DAB2IP: variants seen among roughly 807,000 people sequenced by gnomAD.
DAB2IP encodes the protein disabled homolog 2-interacting protein.
DAB2IP carries 28 observed loss-of-function variants against 107.2 expected under a neutral mutation model. The observed-to-expected ratio is 0.26, with a 90% CI of 0.19 to 0.36. The LOEUF (loss-of-function observed/expected upper bound fraction) is 0.36, where lower values mean the gene tolerates loss of function less well. Ranked by LOEUF, DAB2IP falls within the 10% of genes least tolerant of loss-of-function variation. The pLI is 1.00. For synonymous variants in DAB2IP, 755 were observed against 706.4 expected (o/e 1.07, Z -1.09); for missense variants, 1,400 against 1,644.7 (o/e 0.85, Z 2.57).
intron 1 of DAB2IP, among the ~76,000 whole-genome samples, chr9:121,665,202 A>G (rs1469528685): frequency 1.3e-5 from 2 of 152,230 alleles, no homozygotes; most frequent in Non-Finnish European, 2.9e-5. Flanking sequence ...ATTTAATAAT[A>G]TAGATTTCAA....
At chr9:121,693,114 G>C (rs1447988708) in intron 2 of DAB2IP, among the ~76,000 whole-genome samples, 1 of 152,228 alleles carries the variant, frequency 6.6e-6, no homozygotes, top group Non-Finnish European at 1.5e-5. Context: ...AGACTGGGAG[G>C]TTCTTGAAGC....
intron 1 of DAB2IP, among the ~76,000 whole-genome samples, chr9:121,593,429 G>A (rs144777194): frequency 2.6e-5 from 4 of 151,872 alleles, no homozygotes; most frequent in African/African-American, 4.8e-5. Flanking sequence ...TACCGTGCTC[G>A]GCTAATTGTC....
chr9:121,659,147 G>T (rs1471356356), intron 1 of DAB2IP, among the ~76,000 whole-genome samples: 1 of 152,220 alleles, frequency 6.6e-6, no homozygotes. Context: ...AGGGAGAGAG[G>T]GGAGAAGAGG....
At chr9:121,640,618 C>G (rs1312150971) in intron 1 of DAB2IP, among the ~76,000 whole-genome samples, 1 of 152,172 alleles carries the variant, frequency 6.6e-6, no homozygotes, top group African/African-American at 2.4e-5. Flanking sequence ...CAGCCCCTCC[C>G]CAAGTTCAGC....
chr9:121,601,804 C>G (rs1408112372), intron 1 of DAB2IP, among the ~76,000 whole-genome samples: 1 of 152,178 alleles, frequency 6.6e-6, no homozygotes, highest in Admixed American at 6.5e-5. Context: ...AAGGGGCTGG[C>G]TGGGCTGTGC....
At chr9:121,651,330 C>A (rs1446041264), upstream of DAB2IP, among the ~76,000 whole-genome samples, 1 of 152,222 alleles carries the variant, frequency 6.6e-6, no homozygotes, top group Admixed American at 6.5e-5. This position sits in a 1 kb window ranked among gnomAD's most constrained non-coding sequence, Gnocchi z 5.1. Flanking sequence ...CTACCCCGGG[C>A]TCCGGAGAGC....
At chr9:121,580,351 G>C (rs573505217) in intron 1 of DAB2IP, among the ~76,000 whole-genome samples, 8 of 152,184 alleles carry the variant, frequency 5.3e-5, no homozygotes, top group Non-Finnish European at 1.0e-4. Flanking sequence ...TCTAGGGGTA[G>C]GTGGGAAGGA....
At chr9:121,764,112 C>T (rs936608634) in intron 8 of DAB2IP, among the ~76,000 whole-genome samples, 11 of 152,244 alleles carry the variant, frequency 7.2e-5, no homozygotes, top group South Asian at 2.1e-4. Context: ...GATGAGGGAG[C>T]GCCCTTCATG....
intron 1 of DAB2IP, among the ~76,000 whole-genome samples, chr9:121,612,877 G>A (rs762500539): frequency 7.9e-5 from 12 of 152,178 alleles, no homozygotes; most frequent in Non-Finnish European, 1.6e-4. Flanking sequence ...CACTTTTCCC[G>A]AGCTTACCCA....
At chr9:121,597,662 A>G (rs112249431) in intron 1 of DAB2IP, among the ~76,000 whole-genome samples, 40 of 152,306 alleles carry the variant, frequency 2.6e-4, no homozygotes, top group African/African-American at 9.1e-4. Flanking sequence ...TTTCTTGCAT[A>G]CTATCTCTTG....
intron 1 of DAB2IP, among the ~76,000 whole-genome samples, chr9:121,602,907 G>A (rs997773628): frequency 1.3e-5 from 2 of 152,072 alleles, no homozygotes; most frequent in Non-Finnish European, 2.9e-5. Flanking sequence ...ATGAAGTCTT[G>A]CTATGTTGCT....
At chr9:121,747,723 G>A (rs756613154) in intron 3 of DAB2IP, among the ~76,000 whole-genome samples, 33 of 152,044 alleles carry the variant, frequency 2.2e-4, no homozygotes, top group Non-Finnish European at 3.8e-4. Flanking sequence ...CTGCTTTGCG[G>A]TCCCCAAAGT....
At chr9:121,666,667 C>T (rs2488424) in intron 1 of DAB2IP, among the ~76,000 whole-genome samples, 4 of 152,114 alleles carry the variant, frequency 2.6e-5, no homozygotes, top group Admixed American at 1.3e-4. Context: ...AAAACCTAGA[C>T]GACAGGTTGA....
rs1831951919 is a variant in DAB2IP, at chr9:121,736,699, G to A, written c.363-20314G>A. Among the ~76,000 whole-genome samples, 1 of 152,214 alleles carries A rather than the reference G, an allele frequency of 6.6e-6. No homozygotes were observed. The highest frequency in any genetic ancestry group is 2.4e-5 in the African/African-American group (1 of 41,456). Reference sequence around the variant, plus strand: ...CCTTGGCGCGCCCCCAAATCTTTTGGTTCCCCCGCTCCTGCCTTCCACTGC... The same window carrying A: ...CCTTGGCGCGCCCCCAAATCTTTTGATTCCCCCGCTCCTGCCTTCCACTGC... On this transcript the variant is annotated intron_variant, in intron 3 of 15. Transcript: ENST00000408936. This position sits in a 1 kb window ranked among gnomAD's most constrained non-coding sequence, Gnocchi z 4.6.
At chr9:121,582,746 C>G (rs1001525302) in intron 1 of DAB2IP, among the ~76,000 whole-genome samples, 2 of 152,230 alleles carry the variant, frequency 1.3e-5, no homozygotes, top group Non-Finnish European at 2.9e-5. Context: ...CTCTTCTGAG[C>G]CGGAAACACC....
chr9:121,781,702 CT>C (rs1835668863), intron 15 of DAB2IP, 151 bp downstream of exon 15: 1 of 733,240 alleles, frequency 1.4e-6, no homozygotes, highest in South Asian at 1.8e-5. Flanking sequence ...GACCTGTGGT[CT>C]TAGTGGGCCA....
At chr9:121,752,070 G>A (rs762229951) in intron 3 of DAB2IP, 16 of 977,572 alleles carry the variant, frequency 1.6e-5, no homozygotes, top group Non-Finnish European at 1.9e-5. Flanking sequence ...GTGGGGAGCA[G>A]TGTGCAGCCA....
intron 1 of DAB2IP, among the ~76,000 whole-genome samples, chr9:121,583,124 A>T (rs1250294903): frequency 1.3e-5 from 2 of 152,232 alleles, no homozygotes; most frequent in Non-Finnish European, 2.9e-5. Context: ...GCGGTGGCTC[A>T]CCCCTTAATC....
At chr9:121,773,566 GCTC>G (rs1834940003) in intron 12 of DAB2IP, 71 bp downstream of exon 12, 3 of 1,350,052 alleles carry the variant, frequency 2.2e-6, no homozygotes, top group East Asian at 2.9e-5. Flanking sequence ...CCCATACCAT[GCTC>G]CTCCTCTCGG....
Sources: allele counts gnomAD v4.1 joint callset (sites outside exome capture counted in the v4.1 genomes callset), GRCh38; gene constraint gnomAD v4.1.1; non-coding constraint Gnocchi (gnomAD v3.1); transcripts MANE v1.5; gene names NCBI Gene and HGNC (gene_info 2026-07-23, HGNC 2026-07-21).